The following DACH2 variants were observed in gnomAD, a reference collection of about 807,000 sequenced individuals.
DACH2 encodes the protein dachshund family transcription factor 2.
DACH2 carries 17 observed loss-of-function variants against 35.8 expected under a neutral mutation model. The observed-to-expected ratio is 0.48, with a 90% CI of 0.33 to 0.71. DACH2 has a LOEUF of 0.71. DACH2 is among the 30% of genes least tolerant of loss of function. The pLI is 0.02. For synonymous variants in DACH2, 195 were observed against 177.3 expected, an observed-to-expected ratio of 1.10 and a Z score of -0.79; for missense variants, 469 against 472.7, an observed-to-expected ratio of 0.99 and a Z score of 0.07.
Position 86,601,123 on chromosome X carries a change from C to T in DACH2, c.641-49913C>T, listed in dbSNP as rs752402689. ...GGGCTTTCTATATTCCTCTCTGTACCCCAGTGCCTATTCATGGTATTCGGA... is the reference window on the plus strand; with the variant it reads ...GGGCTTTCTATATTCCTCTCTGTACTCCAGTGCCTATTCATGGTATTCGGA... On this transcript the variant is annotated intron_variant, in intron 3 of 11. Coordinates refer to ENST00000373125, the MANE Select transcript of DACH2 (RefSeq NM_053281.3). Among the ~76,000 whole-genome samples the T allele has an allele frequency of 3.6e-5, 4 of 110,946 alleles. No homozygotes were observed. In the South Asian group the frequency reaches 1.5e-3, roughly 42 times the overall value.
chrX:86,725,063 A>G (rs951991296), intron 6 of DACH2, among the ~76,000 whole-genome samples: 3 of 108,884 alleles, frequency 2.8e-5, no homozygotes, highest in African/African-American at 1.0e-4. Flanking sequence ...CTTCTTGGTA[A>G]ATTTCGCATT....
chrX:86,164,213 G>A (rs1390564847), intron 1 of DACH2, among the ~76,000 whole-genome samples: 1 of 111,551 alleles, frequency 9.0e-6, no homozygotes, highest in Non-Finnish European at 1.9e-5. Flanking sequence ...TCATATGCTT[G>A]TTGGCCACAT....
At position 86,809,998 on chromosome X, in the gene DACH2, T is replaced by C. The variant is rs773426677; in HGVS notation, c.1241-2858T>C. Among the ~76,000 whole-genome samples the C allele has an allele frequency of 6.3e-5, 7 of 111,564 alleles. No individual in the cohort carries two copies. The South Asian group carries it at 2.6e-3, about 42-fold the overall frequency. Reference sequence around the variant, plus strand: ...GGTGTTGACTAGGTCTGATGAAATATGATTCTTTTTGTATTTGATCCTCAC... The same window carrying C: ...GGTGTTGACTAGGTCTGATGAAATACGATTCTTTTTGTATTTGATCCTCAC... On this transcript the variant is annotated intron_variant, in intron 7 of 11. Transcript: ENST00000373125.
chrX:86,246,962 CAAA>C (rs2033297394), intron 1 of DACH2, among the ~76,000 whole-genome samples: 1 of 110,610 alleles, frequency 9.0e-6, no homozygotes, highest in East Asian at 2.8e-4. Context: ...TGGATAGGCT[CAAA>C]GAAAAGGGAT....
chrX:86,254,771 CAAAT>C (rs1156929896), intron 1 of DACH2, among the ~76,000 whole-genome samples: 859 of 17,630 alleles, frequency 0.049, 51 homozygotes, highest in African/African-American at 0.18. Flanking sequence ...GGGTGTTATT[CAAAT>C]AAATAAATAT....
At chrX:86,543,083 G>GCATTAAGA (rs2148300889) in intron 3 of DACH2, among the ~76,000 whole-genome samples, 1 of 111,658 alleles carries the variant, frequency 9.0e-6, no homozygotes, top group Admixed American at 9.5e-5. Context: ...AGAGACAGAG[G>GCATTAAGA]CATTAAGACT....
At chrX:86,498,450 A>G (rs1002003066) in intron 2 of DACH2, among the ~76,000 whole-genome samples, 8 of 112,212 alleles carry the variant, frequency 7.1e-5, no homozygotes, top group Non-Finnish European at 1.5e-4. Context: ...ATGATTTATA[A>G]GAACATTGAC....
At chrX:86,300,811 G>A (rs1430937730) in intron 1 of DACH2, among the ~76,000 whole-genome samples, 3 of 112,039 alleles carry the variant, frequency 2.7e-5, no homozygotes, top group African/African-American at 9.7e-5. Flanking sequence ...ATATTAGTCA[G>A]GGTATTGCAC....
At chrX:86,627,597 T>C (rs902642391) in intron 3 of DACH2, among the ~76,000 whole-genome samples, 5 of 111,986 alleles carry the variant, frequency 4.5e-5, no homozygotes, top group Admixed American at 9.5e-5. Flanking sequence ...TTAAAAGTGG[T>C]AGATTATAAG....
chrX:86,580,286 G>T (rs1215096684), intron 3 of DACH2, among the ~76,000 whole-genome samples: 1 of 111,773 alleles, frequency 8.9e-6, no homozygotes, highest in African/African-American at 3.2e-5. Flanking sequence ...AAATGAGAGA[G>T]AACCAGTGCA....
chrX:86,556,787 TATATATATAGAGAGAG>T (rs1174495268), intron 3 of DACH2, among the ~76,000 whole-genome samples: 493 of 40,019 alleles, frequency 0.012, 4 homozygotes, highest in African/African-American at 0.049. Context: ...TATATATATA[TATATATATAGAGAGAG>T]AGAGAGAGAG....
At chrX:86,206,633 A>G (rs2032319298) in intron 1 of DACH2, among the ~76,000 whole-genome samples, 1 of 112,451 alleles carries the variant, frequency 8.9e-6, no homozygotes, top group African/African-American at 3.2e-5. Context: ...TCCTGAATTT[A>G]CAAATATGTA....
intron 7 of DACH2, among the ~76,000 whole-genome samples, chrX:86,783,736 G>C (rs914480625): frequency 9.0e-6 from 1 of 111,500 alleles, no homozygotes; most frequent in Non-Finnish European, 1.9e-5. Context: ...GCCAGTCACA[G>C]AAAGTCAAAC....
chrX:86,460,491 C>A (rs183621740), intron 2 of DACH2, among the ~76,000 whole-genome samples: 1 of 110,732 alleles, frequency 9.0e-6, no homozygotes. Flanking sequence ...ATAACCAATA[C>A]ATACTTTGAA....
At chrX:86,603,689 C>A (rs929173967) in intron 3 of DACH2, among the ~76,000 whole-genome samples, 3 of 110,905 alleles carry the variant, frequency 2.7e-5, no homozygotes, top group African/African-American at 9.8e-5. Flanking sequence ...TCATTGAATT[C>A]TCTTCATCTC....
rs2042412223 is a variant in DACH2 at position 86,813,225 on chromosome X, A to G, written c.1485A>G (p.Arg495=). Residue 495 remains arginine (R), a synonymous_variant, in exon 9 of 12, where the codon AGA becomes AGG. Coordinates refer to ENST00000373125, the MANE Select transcript of DACH2 (RefSeq NM_053281.3). ...KELRLELYRE[R]EIRENLERQL... is the part of the protein sequence containing the mutation. The stretch of plus-strand genomic sequence containing the variant: ...TGCGACTGGAGCTCTATAGAGAGAG[A>G]GAAATTAGAGAAAACCTTGAAAGAC... The G allele has an allele frequency of 2.5e-6, 3 of 1,201,958 alleles. No homozygotes were observed. The highest frequency in any genetic ancestry group is 2.3e-5 in the Admixed American group (1 of 43,760).
At chrX:86,391,067 G>A (rs1404467173) in intron 2 of DACH2, among the ~76,000 whole-genome samples, 1 of 107,689 alleles carries the variant, frequency 9.3e-6, no homozygotes, top group Non-Finnish European at 1.9e-5. Flanking sequence ...GATCACCTGA[G>A]GTCAGGAGTT....
In DACH2 at chrX:86,242,666, G is replaced by T. The variant is rs57509163; in HGVS notation, c.488+93558G>T. The stretch of plus-strand genomic sequence containing the variant: ...ATTTGTGAGAAGCCAGGGGCTGAGT[G>T]ATATGATCTGGCTCTGTGTCCCCTC... On this transcript the variant is annotated intron_variant, in intron 1 of 11. Transcript: ENST00000373125. Among the ~76,000 whole-genome samples the T allele has an allele frequency of 9.1e-3, 1,018 of 111,300 alleles. 8 individuals carry two copies. Among genetic ancestry groups the T allele is most frequent in the African/African-American group, 0.029 (888 of 30,540 alleles).
At chrX:86,673,739 G>A (rs1216326553) in intron 4 of DACH2, among the ~76,000 whole-genome samples, 3 of 111,760 alleles carry the variant, frequency 2.7e-5, no homozygotes, top group Non-Finnish European at 5.6e-5. Flanking sequence ...CAAATCTCCT[G>A]TTGAGTTGTC....
Sources: gnomAD v4.1 joint callset for allele counts (sites outside exome capture counted in the v4.1 genomes callset) on GRCh38, gnomAD v4.1.1 for gene constraint, MANE v1.5 for transcripts, NCBI Gene and HGNC (gene_info 2026-07-23, HGNC 2026-07-21) for gene names.